LRMDA: variants seen among roughly 807,000 people sequenced by gnomAD.
The protein encoded by LRMDA is leucine rich melanocyte differentiation associated, also known as leucine-rich melanocyte differentiation-associated protein.
In LRMDA, 18 loss-of-function variants were observed where a neutral mutation model predicts 29.8. The observed-to-expected ratio is 0.60, with a 90% CI of 0.42 to 0.90. The LOEUF (loss-of-function observed/expected upper bound fraction) is 0.90, where lower values mean the gene tolerates loss of function less well. Ranked by LOEUF, LRMDA falls within the 40% of genes least tolerant of loss-of-function variation. The pLI is 0.00. For missense variants in LRMDA, 273 were observed against 273.9 expected (o/e 1.00, Z 0.02); for synonymous variants, 125 against 109.4 (o/e 1.14, Z -0.89).
chr10:75,748,757 T>C (rs1842918739), intron 2 of LRMDA, among the ~76,000 whole-genome samples: 1 of 152,138 alleles, frequency 6.6e-6, no homozygotes, highest in African/African-American at 2.4e-5. Context: ...TAGGACAGAA[T>C]AGAAAATATC....
intron 2 of LRMDA, among the ~76,000 whole-genome samples, chr10:75,578,710 C>T (rs767067702): frequency 8.1e-4 from 123 of 151,946 alleles, no homozygotes; most frequent in Non-Finnish European, 1.6e-3. Context: ...GACCACAGTG[C>T]AATCAAATTA....
chr10:76,072,875 A>T (rs1041540951), intron 5 of LRMDA, among the ~76,000 whole-genome samples: 2 of 152,246 alleles, frequency 1.3e-5, no homozygotes, highest in Non-Finnish European at 2.9e-5. Flanking sequence ...GTGTGAATGC[A>T]TCTGCAGACC....
At chr10:75,772,807 A>T (rs1038149121) in intron 2 of LRMDA, among the ~76,000 whole-genome samples, 1 of 128,148 alleles carries the variant, frequency 7.8e-6, no homozygotes, top group Non-Finnish European at 1.6e-5. Flanking sequence ...ACTAGAGCAC[A>T]TTTCATAGCC....
intron 2 of LRMDA, among the ~76,000 whole-genome samples, chr10:75,649,732 T>C (rs1484311429): frequency 6.6e-6 from 1 of 152,220 alleles, no homozygotes; most frequent in East Asian, 1.9e-4. Context: ...CATATTGTTT[T>C]TTATAGCAGC....
intron 2 of LRMDA, among the ~76,000 whole-genome samples, chr10:75,647,991 A>G (rs1404824120): frequency 6.9e-6 from 1 of 144,894 alleles, no homozygotes; most frequent in Non-Finnish European, 1.5e-5. Flanking sequence ...CTTGCCTCCA[A>G]ATGATACCAA....
At position 75,552,413 on chromosome 10, in the gene LRMDA, GTTT is replaced by G. The variant is rs374745156; in HGVS notation, c.131+113929_131+113931del. The G allele has an allele frequency of 6.9e-5, 16 of 231,284 alleles. No individual in the cohort carries two copies. The Middle Eastern group carries it at 1.4e-3, about 20-fold the overall frequency. 14.3% of individuals were successfully genotyped at this position (231,284 alleles called of 1,614,324 possible). A position where few individuals can be genotyped will look rare whatever the true frequency, so the allele number is the denominator to read the frequency against. On this transcript the variant is annotated intron_variant, in intron 2 of 6. Coordinates refer to ENST00000611255, the MANE Select transcript of LRMDA (RefSeq NM_001305581.2). ...GCTGTCATTCTTAGCTTTGTTCTGT[GTTT>G]TTTTTTTTTCCCCCCCCTCTGGCTG... is the stretch of plus-strand genomic sequence containing the variant.
chr10:76,428,196 G>A (rs1480421115), intron 6 of LRMDA, among the ~76,000 whole-genome samples: 4 of 152,144 alleles, frequency 2.6e-5, no homozygotes, highest in African/African-American at 9.7e-5. Context: ...GAAGTCTTTA[G>A]TGCTTTCTTC....
At chr10:76,009,943 C>T (rs1847746032) in intron 2 of LRMDA, among the ~76,000 whole-genome samples, 1 of 151,968 alleles carries the variant, frequency 6.6e-6, no homozygotes, top group Non-Finnish European at 1.5e-5. Context: ...AAAGAGATGC[C>T]GTCAAGGTAT....
intron 2 of LRMDA, among the ~76,000 whole-genome samples, chr10:75,858,249 C>A (rs1444910581): frequency 6.6e-6 from 1 of 152,224 alleles, no homozygotes; most frequent in Non-Finnish European, 1.5e-5. Context: ...TGGCAGTATG[C>A]AGCTCATGCT....
chr10:75,592,541 G>T (rs1840736154), intron 2 of LRMDA, among the ~76,000 whole-genome samples: 2 of 152,186 alleles, frequency 1.3e-5, no homozygotes, highest in Admixed American at 6.5e-5. Context: ...AGGGGAGAGG[G>T]TCACCTCCTT....
At chr10:76,142,548 C>T (rs72815545) in intron 5 of LRMDA, among the ~76,000 whole-genome samples, 17,349 of 151,582 alleles carry the variant, frequency 0.11, 1,144 homozygotes, top group East Asian at 0.24. Context: ...ACTTTTTTCA[C>T]TCAACATTGT....
chr10:75,477,268 A>G (rs1199747440), intron 2 of LRMDA, among the ~76,000 whole-genome samples: 1 of 152,068 alleles, frequency 6.6e-6, no homozygotes, highest in African/African-American at 2.4e-5. Context: ...TCTTGTGAAG[A>G]CACCAGTCAT....
chr10:76,501,531 G>A (rs369511652), intron 6 of LRMDA, among the ~76,000 whole-genome samples: 2 of 151,894 alleles, frequency 1.3e-5, no homozygotes, highest in Non-Finnish European at 2.9e-5. Context: ...ACCAGCATAT[G>A]TCATTTTTTG....
chr10:75,693,791 A>G (rs1182762545), intron 2 of LRMDA, among the ~76,000 whole-genome samples: 2 of 152,180 alleles, frequency 1.3e-5, no homozygotes, highest in Non-Finnish European at 2.9e-5. Context: ...TTTCATTAGC[A>G]TACTGCCTAG....
intron 5 of LRMDA, among the ~76,000 whole-genome samples, chr10:76,152,997 C>A (rs11001640): frequency 0.16 from 24,654 of 152,024 alleles, 2,237 homozygotes; most frequent in Admixed American, 0.24. Context: ...TCCGCCACCA[C>A]GTCCAGCTAA....
At chr10:75,652,115 C>T (rs900673832) in intron 2 of LRMDA, among the ~76,000 whole-genome samples, 2 of 152,198 alleles carry the variant, frequency 1.3e-5, no homozygotes, top group African/African-American at 2.4e-5. Flanking sequence ...GGTCCTCTTT[C>T]CTGGGCATCC....
At chr10:76,447,496 T>C (rs1418881978) in intron 6 of LRMDA, among the ~76,000 whole-genome samples, 1 of 152,162 alleles carries the variant, frequency 6.6e-6, no homozygotes, top group Non-Finnish European at 1.5e-5. Context: ...ATATCCATCA[T>C]GTTTTGCAGA....
intron 6 of LRMDA, among the ~76,000 whole-genome samples, chr10:76,357,705 G>T (rs1312776088): frequency 6.6e-6 from 1 of 152,104 alleles, no homozygotes; most frequent in Non-Finnish European, 1.5e-5. Context: ...GACTAAAGGG[G>T]TCCTTGATTT....
intron 2 of LRMDA, among the ~76,000 whole-genome samples, chr10:75,680,300 A>T (rs1270241726): frequency 6.6e-6 from 1 of 152,216 alleles, no homozygotes; most frequent in African/African-American, 2.4e-5. Flanking sequence ...GTTGGACTCC[A>T]TTCTGGGACA....
Sources: allele counts gnomAD v4.1 joint callset (sites outside exome capture counted in the v4.1 genomes callset), GRCh38; gene constraint gnomAD v4.1.1; transcripts MANE v1.5; gene names NCBI Gene and HGNC (gene_info 2026-07-23, HGNC 2026-07-21).